The following MARCHF1 variants were observed in gnomAD, a reference collection of about 807,000 sequenced individuals.
MARCHF1 encodes membrane associated ring-CH-type finger 1, also known as E3 ubiquitin-protein ligase MARCHF1.
A neutral mutation model predicts 54.2 loss-of-function variants in MARCHF1; 40 were observed. That is an observed-to-expected ratio of 0.74 (90% CI 0.57 to 0.96). The LOEUF (loss-of-function observed/expected upper bound fraction) is 0.96, where lower values mean the gene tolerates loss of function less well. MARCHF1 is among the 40% of genes least tolerant of loss of function. The pLI, the probability that MARCHF1 is intolerant of heterozygous loss-of-function variation, is 0.00. For missense variants in MARCHF1, 586 were observed against 656.5 expected (o/e 0.89, Z 1.17); for synonymous variants, 236 against 236.3 (o/e 1.00, Z 0.01).
intron 3 of MARCHF1, chr4:163,933,119 A>G: frequency 9.4e-7 from 1 of 1,066,584 alleles, no homozygotes. Context: ...AGGCCATTGC[A>G]GAACTTGATA....
chr4:164,074,475 A>T (rs927718516), intron 2 of MARCHF1, among the ~76,000 whole-genome samples: 1 of 152,338 alleles, frequency 6.6e-6, no homozygotes, highest in African/African-American at 2.4e-5. Flanking sequence ...TAAGTCGGGA[A>T]ATTTATCCTC....
chr4:164,024,005 CT>C (rs1753718907), intron 2 of MARCHF1, among the ~76,000 whole-genome samples: 1 of 152,008 alleles, frequency 6.6e-6, no homozygotes, highest in Non-Finnish European at 1.5e-5. Context: ...TTAAAAATCA[CT>C]TCTTTAAATA....
chr4:163,983,554 G>A (rs1409716203), intron 3 of MARCHF1, among the ~76,000 whole-genome samples: 1 of 152,106 alleles, frequency 6.6e-6, no homozygotes. Flanking sequence ...AGGTTAGCAG[G>A]TTTGGGGGTT....
intron 4 of MARCHF1, among the ~76,000 whole-genome samples, chr4:163,787,517 G>A (rs1036945848): frequency 3.3e-5 from 5 of 151,184 alleles, no homozygotes; most frequent in African/African-American, 7.3e-5. Context: ...TCAAAACCAC[G>A]GTGACATATT....
chr4:164,186,036 G>A (rs1730962114), intron 1 of MARCHF1, among the ~76,000 whole-genome samples: 2 of 152,116 alleles, frequency 1.3e-5, no homozygotes, highest in Non-Finnish European at 2.9e-5. Flanking sequence ...GGGACTACAG[G>A]CGCCTGCCAC....
chr4:164,247,907 T>C (rs1426292863), intron 1 of MARCHF1, among the ~76,000 whole-genome samples: 1 of 150,918 alleles, frequency 6.6e-6, no homozygotes, highest in African/African-American at 2.4e-5. Context: ...GACAAGGAAT[T>C]GGTCAAGTTG....
intron 2 of MARCHF1, among the ~76,000 whole-genome samples, chr4:164,045,156 A>G (rs909835002): frequency 2.6e-5 from 4 of 152,068 alleles, no homozygotes; most frequent in Non-Finnish European, 5.9e-5. Context: ...AAACAACAAT[A>G]AAAAAGGGCC....
intron 1 of MARCHF1, among the ~76,000 whole-genome samples, chr4:164,266,429 C>G (rs1733612879): frequency 6.6e-6 from 1 of 152,136 alleles, no homozygotes; most frequent in Non-Finnish European, 1.5e-5. Context: ...ATTACATTTT[C>G]AACTTAAAAA....
chr4:163,774,589 C>A (rs1330506984), intron 4 of MARCHF1, among the ~76,000 whole-genome samples: 1 of 149,274 alleles, frequency 6.7e-6, no homozygotes, highest in Non-Finnish European at 1.5e-5. Flanking sequence ...CCTCCATCTT[C>A]CGGGTTCAAG....
chr4:163,706,363 C>A (rs1168628418), intron 4 of MARCHF1, among the ~76,000 whole-genome samples: 1 of 151,960 alleles, frequency 6.6e-6, no homozygotes, highest in Non-Finnish European at 1.5e-5. Flanking sequence ...ACTCTAAACT[C>A]TCATCAGAGA....
chr4:164,339,605 T>C (rs1397207974), intron 1 of MARCHF1, among the ~76,000 whole-genome samples: 1 of 152,078 alleles, frequency 6.6e-6, no homozygotes, highest in Non-Finnish European at 1.5e-5. Flanking sequence ...GATAAATGCC[T>C]ACATGAATAA....
At chr4:163,532,980 A>G (rs1738404371) in intron 9 of MARCHF1, among the ~76,000 whole-genome samples, 1 of 152,006 alleles carries the variant, frequency 6.6e-6, no homozygotes, top group Non-Finnish European at 1.5e-5. Flanking sequence ...TGGTAACCAC[A>G]GCTTTTCAAA....
chr4:163,927,866 G>A (rs1238451342), intron 3 of MARCHF1, among the ~76,000 whole-genome samples: 1 of 151,774 alleles, frequency 6.6e-6, no homozygotes, highest in Non-Finnish European at 1.5e-5. Context: ...CACACAAGCG[G>A]AGCTTCATGA....
chr4:164,312,456 G>C (rs372547025), intron 1 of MARCHF1, among the ~76,000 whole-genome samples: 3 of 150,778 alleles, frequency 2.0e-5, no homozygotes, highest in Non-Finnish European at 4.4e-5. Flanking sequence ...CCGAGTAGCT[G>C]GGACTACAGG....
chr4:163,726,567 C>T (rs943578235), intron 4 of MARCHF1, among the ~76,000 whole-genome samples: 1 of 152,180 alleles, frequency 6.6e-6, no homozygotes, highest in Non-Finnish European at 1.5e-5. Context: ...CTGCTATATG[C>T]ATTCATGTGT....
chr4:164,248,727 A>G (rs973219420), intron 1 of MARCHF1, among the ~76,000 whole-genome samples: 7 of 152,020 alleles, frequency 4.6e-5, no homozygotes, highest in Non-Finnish European at 7.4e-5. Context: ...TAAAATTAGG[A>G]AAACAATTGT....
intron 5 of MARCHF1, among the ~76,000 whole-genome samples, chr4:163,637,891 C>T (rs1190304257): frequency 6.6e-6 from 1 of 150,964 alleles, no homozygotes; most frequent in Non-Finnish European, 1.5e-5. Flanking sequence ...GGCACATATA[C>T]ACCATGGAAT....
chr4:164,160,047 TA>T (rs1335579871), intron 1 of MARCHF1, among the ~76,000 whole-genome samples: 2 of 142,250 alleles, frequency 1.4e-5, no homozygotes, highest in African/African-American at 5.9e-5. Flanking sequence ...AGACAGACTC[TA>T]TTTTTTTTAT....
Position 163,762,255 on chromosome 4 carries a change from C to T in MARCHF1, c.112-61392G>A, listed in dbSNP as rs117179959. On this transcript the variant is annotated intron_variant, in intron 4 of 9. Transcript: ENST00000514618. The stretch of plus-strand genomic sequence containing the variant: ...TTCCCATTTGTATGTGTGATATGTA[C>T]GAATAATACACTGGCATTTTATAAA... Among the ~76,000 whole-genome samples the T allele has an allele frequency of 1.8e-3, 269 of 152,046 alleles. 8 individuals carry two copies. In the East Asian group the frequency reaches 0.047, roughly 27 times the overall value.
Sources: allele counts gnomAD v4.1 joint callset (sites outside exome capture counted in the v4.1 genomes callset), GRCh38; gene constraint gnomAD v4.1.1; transcripts MANE v1.5; gene names NCBI Gene and HGNC (gene_info 2026-07-23, HGNC 2026-07-21).